The following NSMCE2 variants were observed in gnomAD, a reference collection of about 807,000 sequenced individuals.
The protein encoded by NSMCE2 is E3 SUMO-protein ligase NSE2.
A neutral mutation model predicts 23.8 loss-of-function variants in NSMCE2; 24 were observed. The observed-to-expected ratio is 1.01, with a 90% CI of 0.73 to 1.42. The LOEUF (loss-of-function observed/expected upper bound fraction) is 1.42, where lower values mean the gene tolerates loss of function less well. Ranked by LOEUF, NSMCE2 falls within the 40% of genes most tolerant of loss-of-function variation. NSMCE2 has a pLI of 0.00. For missense variants in NSMCE2, 284 were observed against 296.5 expected (o/e 0.96, Z 0.31); for synonymous variants, 92 against 94.1 (o/e 0.98, Z 0.13).
At chr8:125,273,903 C>G (rs1020007596) in intron 5 of NSMCE2, among the ~76,000 whole-genome samples, 6 of 152,180 alleles carry the variant, frequency 3.9e-5, no homozygotes, top group Non-Finnish European at 7.3e-5. Flanking sequence ...ATCTGCATAC[C>G]TCCTGCTGGG....
Position 125,213,188 on chromosome 8 carries a change from A to G in NSMCE2, c.418+30932A>G, listed in dbSNP as rs1824418555. Among the ~76,000 whole-genome samples, 4 of 152,150 alleles carry G rather than the reference A, an allele frequency of 2.6e-5. No individual in the cohort carries two copies. In the South Asian group the frequency reaches 8.3e-4, roughly 31 times the overall value. On this transcript the variant is annotated intron_variant, in intron 5 of 7. Coordinates refer to ENST00000287437, the MANE Select transcript of NSMCE2 (RefSeq NM_173685.4). ...TACCCTTTTTTCTTTTTAAGCTTTT[A>G]TTCTCTGTTGTGAGATTTTCCCCTT...
At chr8:125,117,758 A>T (rs1364412054) in intron 3 of NSMCE2, among the ~76,000 whole-genome samples, 1 of 151,980 alleles carries the variant, frequency 6.6e-6, no homozygotes, top group East Asian at 1.9e-4. Flanking sequence ...CCTTTTAACT[A>T]GGTTTCCTGA....
At chr8:125,225,025 CT>C (rs1415098699) in intron 5 of NSMCE2, among the ~76,000 whole-genome samples, 2 of 152,184 alleles carry the variant, frequency 1.3e-5, no homozygotes, top group Non-Finnish European at 2.9e-5. Flanking sequence ...TTTTGGAGTA[CT>C]TTTGCTAAAG....
At chr8:125,298,881 A>G (rs1213047910) in intron 5 of NSMCE2, among the ~76,000 whole-genome samples, 1 of 152,154 alleles carries the variant, frequency 6.6e-6, no homozygotes, top group Non-Finnish European at 1.5e-5. Flanking sequence ...GTTAGTATTG[A>G]TGGGATTAAG....
intron 5 of NSMCE2, among the ~76,000 whole-genome samples, chr8:125,322,922 G>A (rs1829511316): frequency 6.6e-6 from 1 of 152,236 alleles, no homozygotes; most frequent in Non-Finnish European, 1.5e-5. Flanking sequence ...AGCTGGGTGT[G>A]GTGACGCATG....
chr8:125,344,685 G>C (rs1009866562), intron 5 of NSMCE2, among the ~76,000 whole-genome samples: 11 of 150,766 alleles, frequency 7.3e-5, no homozygotes, highest in African/African-American at 2.7e-4. Flanking sequence ...AGAGGCTATA[G>C]TGAGCCAAGA....
intron 5 of NSMCE2, among the ~76,000 whole-genome samples, chr8:125,246,165 G>T (rs72720569): frequency 0.061 from 9,256 of 152,008 alleles, 451 homozygotes; most frequent in East Asian, 0.17. Context: ...TCTGCAAAAT[G>T]AATCTTTTCT....
intron 4 of NSMCE2, among the ~76,000 whole-genome samples, chr8:125,173,351 T>G (rs1338875825): frequency 1.3e-5 from 2 of 152,212 alleles, no homozygotes; most frequent in Admixed American, 6.5e-5. Flanking sequence ...TGTAACTAAT[T>G]CTGCTTCTGT....
chr8:125,338,829 G>A (rs1586791822), intron 5 of NSMCE2, among the ~76,000 whole-genome samples: 1 of 152,304 alleles, frequency 6.6e-6, no homozygotes. Flanking sequence ...TATGGAAAAG[G>A]TTTCTTGACA....
chr8:125,231,001 C>A (rs965330590), intron 5 of NSMCE2, among the ~76,000 whole-genome samples: 5 of 152,108 alleles, frequency 3.3e-5, no homozygotes, highest in African/African-American at 7.2e-5. Context: ...AACAAAATCA[C>A]AATATAGATT....
At chr8:125,121,309 C>T (rs1819251819) in intron 3 of NSMCE2, among the ~76,000 whole-genome samples, 1 of 152,170 alleles carries the variant, frequency 6.6e-6, no homozygotes. Flanking sequence ...TTTGCGCTTC[C>T]TCTTCTTTTG....
intron 4 of NSMCE2, among the ~76,000 whole-genome samples, chr8:125,165,443 T>C (rs958373243): frequency 6.6e-6 from 1 of 152,196 alleles, no homozygotes; most frequent in Non-Finnish European, 1.5e-5. Flanking sequence ...GAGTAAAATA[T>C]ATGGGAGAAT....
chr8:125,247,530 GC>G (rs1163982118), intron 5 of NSMCE2, among the ~76,000 whole-genome samples: 1 of 152,120 alleles, frequency 6.6e-6, no homozygotes, highest in African/African-American at 2.4e-5. Context: ...TTCGAGACCA[GC>G]CTGGCCAACA....
intron 5 of NSMCE2, among the ~76,000 whole-genome samples, chr8:125,201,148 T>C (rs539409054): frequency 6.6e-6 from 1 of 152,342 alleles, no homozygotes; most frequent in South Asian, 2.1e-4. Flanking sequence ...TTGTTATTAC[T>C]GACCTTCTGA....
intron 4 of NSMCE2, among the ~76,000 whole-genome samples, chr8:125,158,590 A>T (rs1821443755): frequency 1.3e-5 from 2 of 152,210 alleles, no homozygotes; most frequent in South Asian, 4.2e-4. Context: ...CCTAGCAGCT[A>T]ATTCTTTGAA....
intron 4 of NSMCE2, among the ~76,000 whole-genome samples, chr8:125,174,103 A>G (rs779482772): frequency 6.3e-4 from 96 of 152,262 alleles, no homozygotes; most frequent in Non-Finnish European, 1.2e-3. Context: ...GGTATCCTGT[A>G]TAGTTATGTT....
At chr8:125,321,901 T>C (rs921923917) in intron 5 of NSMCE2, among the ~76,000 whole-genome samples, 18 of 152,212 alleles carry the variant, frequency 1.2e-4, no homozygotes, top group Admixed American at 1.2e-3. Flanking sequence ...AGGTGTGTAG[T>C]GGTATCTCAT....
intron 5 of NSMCE2, among the ~76,000 whole-genome samples, chr8:125,213,635 TTTTA>T (rs1824448435): frequency 6.7e-6 from 1 of 148,862 alleles, no homozygotes; most frequent in African/African-American, 2.5e-5. Flanking sequence ...CTCTTTCTCT[TTTTA>T]TTTCTCTCTT....
intron 7 of NSMCE2, chr8:125,362,902 C>G (rs1813617914): frequency 6.6e-6 from 1 of 152,254 alleles, no homozygotes; most frequent in Non-Finnish European, 1.5e-5. Context: ...TCAGCATGCT[C>G]TCATGCACTG....
Sources: gnomAD v4.1 joint callset for allele counts (sites outside exome capture counted in the v4.1 genomes callset) on GRCh38, gnomAD v4.1.1 for gene constraint, MANE v1.5 for transcripts, NCBI Gene and HGNC (gene_info 2026-07-23, HGNC 2026-07-21) for gene names.